The following ZNF124 variants were observed in gnomAD, a reference collection of about 807,000 sequenced individuals.
ZNF124 encodes zinc finger protein HZF-16.
In ZNF124, 25 loss-of-function variants were observed where a neutral mutation model predicts 26.6. That is an observed-to-expected ratio of 0.94 (90% CI 0.68 to 1.31). The LOEUF is 1.31. Among genes scored for constraint, ZNF124 ranks in the 40% most tolerant of loss-of-function variants. The pLI is 0.00. For missense variants in ZNF124, 444 were observed against 422.2 expected, an observed-to-expected ratio of 1.05 and a Z score of -0.45; for synonymous variants, 129 against 133.3, an observed-to-expected ratio of 0.97 and a Z score of 0.22.
intron 3 of ZNF124, among the ~76,000 whole-genome samples, chr1:247,144,498 GCC>G (rs1221236214): frequency 6.6e-6 from 1 of 151,570 alleles, no homozygotes; most frequent in Admixed American, 6.7e-5. Flanking sequence ...TTGCTACCGA[GCC>G]CCTGTCAAGC....
intron 1 of ZNF124, among the ~76,000 whole-genome samples, chr1:247,160,836 G>A (rs1351841255): frequency 6.6e-6 from 1 of 152,102 alleles, no homozygotes; most frequent in East Asian, 1.9e-4. Flanking sequence ...ATGTGTAGAA[G>A]CTTATAAGTG....
chr1:247,122,823 A>G (rs35576390), exon 4 of ZNF124: 1 of 152,256 alleles, frequency 6.6e-6, no homozygotes, highest in East Asian at 1.9e-4. Flanking sequence ...CATGTGTTTC[A>G]CGGTGCTACA....
chr1:247,153,929 C>A (rs536691656), downstream of ZNF124, among the ~76,000 whole-genome samples: 9 of 152,286 alleles, frequency 5.9e-5, no homozygotes, highest in Admixed American at 1.3e-4. Context: ...TGCTCATCTG[C>A]ACCTAAATCA....
chr1:247,167,771 T>A (rs772104659), intron 1 of ZNF124, among the ~76,000 whole-genome samples: 1 of 151,684 alleles, frequency 6.6e-6, no homozygotes, highest in Non-Finnish European at 1.5e-5. Flanking sequence ...ATCAGCAGAG[T>A]AAACAGACAA....
chr1:247,164,649 G>A (rs1673675585), intron 1 of ZNF124, among the ~76,000 whole-genome samples: 1 of 151,558 alleles, frequency 6.6e-6, no homozygotes, highest in Non-Finnish European at 1.5e-5. Flanking sequence ...AACATTCCAT[G>A]CTCATTGATA....
At chr1:247,153,572 A>G (rs1490270226), downstream of ZNF124, among the ~76,000 whole-genome samples, 1 of 152,142 alleles carries the variant, frequency 6.6e-6, no homozygotes, top group Non-Finnish European at 1.5e-5. Context: ...ATTGCCTTAT[A>G]ACATTTCGGA....
At chr1:247,130,850 GGCA>G (rs1403923229) in intron 3 of ZNF124, among the ~76,000 whole-genome samples, 1 of 152,170 alleles carries the variant, frequency 6.6e-6, no homozygotes. Flanking sequence ...GGCCGAGGTG[GGCA>G]GATCATGAGG....
intron 3 of ZNF124, chr1:247,157,639 C>A: frequency 1.7e-6 from 1 of 572,018 alleles, no homozygotes. Flanking sequence ...ACTTACACTG[C>A]TACCAATATC....
rs1256583247 is a variant in ZNF124, at chr1:247,170,316, GAACA to G, written c.30+1528_30+1531del. Among the ~76,000 whole-genome samples the G allele has an allele frequency of 3.3e-5, 5 of 151,312 alleles. No homozygotes were observed. The South Asian group carries it at 8.3e-4, about 25-fold the overall frequency. ...GCATCTGGTTCAAATGCACAATAAAGAACAAATAATTAATAATGTTGTAAATTGG... is the reference window on the plus strand; with the variant it reads ...GCATCTGGTTCAAATGCACAATAAAGAATAATTAATAATGTTGTAAATTGG... On this transcript the variant is annotated intron_variant, in intron 1 of 3. Coordinates refer to ENST00000543802, the MANE Select transcript of ZNF124 (RefSeq NM_001297568.2).
chr1:247,128,203 A>G (rs2103098506), intron 3 of ZNF124, among the ~76,000 whole-genome samples: 1 of 152,236 alleles, frequency 6.6e-6, no homozygotes. Context: ...GCTGTTTCTG[A>G]ACATTCCTTG....
At chr1:247,162,046 C>T (rs1224890050) in intron 1 of ZNF124, among the ~76,000 whole-genome samples, 6 of 152,114 alleles carry the variant, frequency 3.9e-5, no homozygotes, top group Admixed American at 6.6e-5. Context: ...GCTTCATAAT[C>T]ATTTTCAGAC....
downstream of ZNF124, among the ~76,000 whole-genome samples, chr1:247,152,305 CA>C (rs5782414): frequency 0.18 from 26,559 of 148,832 alleles, 2,557 homozygotes; most frequent in Middle Eastern, 0.3. Flanking sequence ...AAAAATAAAA[CA>C]AAATATAAAT....
intron 1 of ZNF124, among the ~76,000 whole-genome samples, chr1:247,167,400 C>G (rs1429138886): frequency 2.0e-5 from 3 of 151,600 alleles, no homozygotes; most frequent in African/African-American, 7.3e-5. Flanking sequence ...AGGAAACAAA[C>G]TGATGTTTTG....
chr1:247,131,213 C>T (rs938185308), intron 3 of ZNF124, among the ~76,000 whole-genome samples: 2 of 152,268 alleles, frequency 1.3e-5, no homozygotes, highest in Admixed American at 6.5e-5. Context: ...GAGAGCCAGG[C>T]GGGGAAGGGG....
chr1:247,133,831 TTAG>T (rs1175469218), intron 3 of ZNF124, among the ~76,000 whole-genome samples: 1 of 151,872 alleles, frequency 6.6e-6, no homozygotes, highest in African/African-American at 2.4e-5. Context: ...TTTTTTGTGT[TTAG>T]TAGAGACAGG....
intron 3 of ZNF124, chr1:247,138,368 C>T (rs1672538626): frequency 6.1e-6 from 1 of 162,730 alleles, no homozygotes; most frequent in Admixed American, 7.0e-5. Context: ...AACACAGGAA[C>T]AGAAAACTAA....
chr1:247,164,121 A>T (rs1323546403), intron 1 of ZNF124, among the ~76,000 whole-genome samples: 1 of 152,234 alleles, frequency 6.6e-6, no homozygotes, highest in Non-Finnish European at 1.5e-5. Flanking sequence ...CCCTCAACAA[A>T]CTAGGCATCG....
intron 3 of ZNF124, among the ~76,000 whole-genome samples, chr1:247,124,517 T>C (rs556275945): frequency 3.3e-5 from 5 of 151,922 alleles, no homozygotes; most frequent in African/African-American, 4.8e-5. Context: ...CTGTGGCTTT[T>C]AGTACATCCA....
At chr1:247,132,190 G>C (rs1672382318) in intron 3 of ZNF124, among the ~76,000 whole-genome samples, 1 of 152,038 alleles carries the variant, frequency 6.6e-6, no homozygotes, top group South Asian at 2.1e-4. Context: ...CTACAGAAGA[G>C]GGACCTGACT....
Sources: gnomAD v4.1 joint callset for allele counts (sites outside exome capture counted in the v4.1 genomes callset) on GRCh38, gnomAD v4.1.1 for gene constraint, MANE v1.5 for transcripts, NCBI Gene and HGNC (gene_info 2026-07-23, HGNC 2026-07-21) for gene names.